The following RUNX1T1 variants were observed in gnomAD, a reference collection of about 807,000 sequenced individuals.
RUNX1T1 encodes the protein RUNX1 partner transcriptional co-repressor 1, also known as protein CBFA2T1.
Under a neutral mutation model 62.8 loss-of-function variants are expected in RUNX1T1, and 4 were observed. The ratio of observed to expected loss-of-function variants is 0.06; its 90% CI spans 0.03 to 0.15. The LOEUF (loss-of-function observed/expected upper bound fraction) is 0.15, where lower values mean the gene tolerates loss of function less well. Ranked by LOEUF, RUNX1T1 falls within the 10% of genes least tolerant of loss-of-function variation. The pLI, the probability that RUNX1T1 is intolerant of heterozygous loss-of-function variation, is 1.00. For missense variants in RUNX1T1, 508 were observed against 754.3 expected (o/e 0.67, Z 3.82); for synonymous variants, 291 against 286.0 (o/e 1.02, Z -0.18).
intron 2 of RUNX1T1, among the ~76,000 whole-genome samples, chr8:92,072,243 G>A (rs1833795746): frequency 1.3e-5 from 2 of 151,994 alleles, no homozygotes; most frequent in Non-Finnish European, 2.9e-5. Flanking sequence ...CATTTGTTGT[G>A]TTACATAATT....
At chr8:92,094,940 A>C in intron 1 of RUNX1T1, 2 of 943,588 alleles carry the variant, frequency 2.1e-6, no homozygotes. Context: ...TAAATAATCT[A>C]TTGTTCCCCC....
intron 8 of RUNX1T1, chr8:91,977,051 A>C (rs1301891857): frequency 1.6e-5 from 3 of 191,278 alleles, no homozygotes; most frequent in Non-Finnish European, 2.2e-5. Context: ...TTATGGTGCT[A>C]CACAATGTCA....
At chr8:92,050,836 G>A (rs188182577) in intron 1 of RUNX1T1, among the ~76,000 whole-genome samples, 1 of 152,126 alleles carries the variant, frequency 6.6e-6, no homozygotes, top group Non-Finnish European at 1.5e-5. Context: ...GACATGCTTA[G>A]AATAAATCCC....
intron 4 of RUNX1T1, among the ~76,000 whole-genome samples, chr8:92,007,926 C>A (rs140297856): frequency 2.8e-3 from 420 of 148,698 alleles, no homozygotes; most frequent in African/African-American, 0.01. Flanking sequence ...CATGACCGTG[C>A]CACTGCACTC....
At chr8:92,036,935 C>T (rs1827529203) in intron 1 of RUNX1T1, among the ~76,000 whole-genome samples, 1 of 152,188 alleles carries the variant, frequency 6.6e-6, no homozygotes, top group Non-Finnish European at 1.5e-5. Flanking sequence ...TAGTGACACC[C>T]ATCTAGGCTC....
At chr8:92,066,645 A>C (rs1355439485), upstream of RUNX1T1, among the ~76,000 whole-genome samples, 1 of 152,208 alleles carries the variant, frequency 6.6e-6, no homozygotes, top group East Asian at 1.9e-4. Context: ...AAAAATGTAC[A>C]TTAATTTGTT....
chr8:92,086,738 A>G (rs1836177125), intron 1 of RUNX1T1, among the ~76,000 whole-genome samples: 1 of 152,230 alleles, frequency 6.6e-6, no homozygotes, highest in Admixed American at 6.5e-5. Flanking sequence ...TAGTAAATCC[A>G]GGTTGGTATT....
intron 1 of RUNX1T1, among the ~76,000 whole-genome samples, chr8:92,093,038 T>C (rs537980676): frequency 7.9e-5 from 12 of 152,300 alleles, no homozygotes; most frequent in African/African-American, 2.9e-4. Context: ...GGAAAACTGA[T>C]TGCATTTTCT....
chr8:91,986,176 G>C (rs1224963461), exon 8 of RUNX1T1: 2 of 1,614,164 alleles, frequency 1.2e-6, no homozygotes, highest in Non-Finnish European at 1.7e-6. Flanking sequence ...AGTGGCTGCT[G>C]CTACTGCCGC....
chr8:91,957,874 G>A (rs1045955680), downstream of RUNX1T1: 1 of 221,864 alleles, frequency 4.5e-6, no homozygotes, highest in Admixed American at 5.8e-5. Context: ...CATGTAGATA[G>A]ATGTATTTAT....
intron 5 of RUNX1T1, among the ~76,000 whole-genome samples, chr8:92,003,944 A>G (rs896899922): frequency 1.3e-5 from 2 of 152,244 alleles, no homozygotes; most frequent in African/African-American, 4.8e-5. Flanking sequence ...TAGGAATTTT[A>G]AACTATTAAG....
At chr8:91,963,920 C>T (rs2130493463) in intron 10 of RUNX1T1, among the ~76,000 whole-genome samples, 1 of 152,308 alleles carries the variant, frequency 6.6e-6, no homozygotes, top group South Asian at 2.1e-4. Context: ...CATATCACAG[C>T]AAATTTCATT....
intron 2 of RUNX1T1, among the ~76,000 whole-genome samples, chr8:92,075,303 A>C (rs1834257016): frequency 6.6e-6 from 1 of 152,274 alleles, no homozygotes; most frequent in African/African-American, 2.4e-5. Flanking sequence ...AGCTGGCTAC[A>C]GGAGACATGA....
At chr8:92,010,619 T>TC (rs2131090068) in intron 4 of RUNX1T1, 1 of 158,432 alleles carries the variant, frequency 6.3e-6, no homozygotes, top group East Asian at 1.8e-4. Context: ...GGTCTGATCT[T>TC]CCCGTTAAGT....
At chr8:91,986,463 T>G (rs1032431109) in intron 7 of RUNX1T1, 138 bp from the exon 9 acceptor site, 1 of 657,686 alleles carries the variant, frequency 1.5e-6, no homozygotes, top group East Asian at 2.6e-5. Context: ...GTATTTTCTA[T>G]GACTAGATTT....
chr8:91,960,525 A>G lies in RUNX1T1; in HGVS notation c.1459-8T>C. ...GCCACAATTCCAGCAACTCTAAAGG[A>G]GAAGGCAGAAGAAAGCAAGATCCCA... is the stretch of plus-strand genomic sequence containing the variant. On this transcript the variant is annotated splice_region_variant and splice_polypyrimidine_tract_variant and intron_variant, in intron 10 of 10. Transcript: ENST00000396218. The G allele has an allele frequency of 6.2e-7, 1 of 1,612,980 alleles. No individual in the cohort carries two copies. Among genetic ancestry groups the G allele is most frequent in the East Asian group, 2.2e-5 (1 of 44,862 alleles).
At chr8:92,004,413 A>G (rs1475791747) in intron 5 of RUNX1T1, 1 of 152,226 alleles carries the variant, frequency 6.6e-6, no homozygotes, top group Non-Finnish European at 1.5e-5. Flanking sequence ...TTATTTTACT[A>G]CGGTAAATGG....
chr8:91,972,113 A>C (rs1018622169), intron 9 of RUNX1T1, among the ~76,000 whole-genome samples: 34 of 152,250 alleles, frequency 2.2e-4, no homozygotes, highest in African/African-American at 7.7e-4. Flanking sequence ...AAAGCACCTT[A>C]ATTAAATGTT....
At chr8:92,029,962 T>A (rs891674456) in intron 1 of RUNX1T1, among the ~76,000 whole-genome samples, 1 of 152,178 alleles carries the variant, frequency 6.6e-6, no homozygotes, top group African/African-American at 2.4e-5. Flanking sequence ...ATCAAGTCAT[T>A]CCCCTATTTA....
Sources: gnomAD v4.1 joint callset for allele counts (sites outside exome capture counted in the v4.1 genomes callset) on GRCh38, gnomAD v4.1.1 for gene constraint, MANE v1.5 for transcripts, NCBI Gene and HGNC (gene_info 2026-07-23, HGNC 2026-07-21) for gene names.